The following LRRC20 variants were observed in gnomAD, a reference collection of about 807,000 sequenced individuals.
LRRC20 encodes leucine rich repeat containing 20, also known as leucine-rich repeat-containing protein 20.
Under a neutral mutation model 14.4 loss-of-function variants are expected in LRRC20, and 11 were observed. The observed-to-expected ratio is 0.77, with a 90% CI of 0.48 to 1.27. The LOEUF is 1.27. Among genes scored for constraint, LRRC20 ranks in the 50% most tolerant of loss-of-function variants. The probability of loss-of-function intolerance (pLI) is 0.00; values close to 1 mark genes in which losing one functional copy is unlikely to be tolerated. For synonymous variants in LRRC20, 121 were observed against 107.3 expected, an observed-to-expected ratio of 1.13 and a Z score of -0.79; for missense variants, 219 against 251.2, an observed-to-expected ratio of 0.87 and a Z score of 0.87.
intron 1 of LRRC20, among the ~76,000 whole-genome samples, chr10:70,378,125 C>T (rs1844575930): frequency 6.6e-6 from 1 of 152,194 alleles, no homozygotes; most frequent in Non-Finnish European, 1.5e-5. Context: ...GAGGATAAAG[C>T]AGTGCATATG....
chr10:70,378,895 G>A (rs1342465520), intron 1 of LRRC20, among the ~76,000 whole-genome samples: 7 of 152,022 alleles, frequency 4.6e-5, no homozygotes, highest in African/African-American at 1.2e-4. Flanking sequence ...GCAGTGAGCC[G>A]AGATCGTCCC....
chr10:70,344,855 C>T (rs1048709414), intron 2 of LRRC20, among the ~76,000 whole-genome samples: 5 of 152,150 alleles, frequency 3.3e-5, no homozygotes, highest in African/African-American at 1.2e-4. Context: ...TCACGAGCCA[C>T]GGCACCCGGC....
chr10:70,321,465 A>G (rs1456821490), intron 4 of LRRC20, among the ~76,000 whole-genome samples: 1 of 152,212 alleles, frequency 6.6e-6, no homozygotes, highest in African/African-American at 2.4e-5. Flanking sequence ...AGGGAGAGAT[A>G]GAAAATAGAA....
At position 70,301,104 on chromosome 10, in the gene LRRC20, C is replaced by G. The variant is rs1841161171; in HGVS notation, c.*250G>C. ...AGGCTCAGAGAGGGCAGGAGATCTG[C>G]CTGAGTTTGCACAGCAGCTGTGAGT... On this transcript the variant is annotated 3_prime_UTR_variant, in exon 5 of 5. Coordinates refer to ENST00000446961, the MANE Select transcript of LRRC20 (RefSeq NM_001278212.2). 7.6e-7 allele frequency: 1 copy of G among 1,314,312 alleles called. No homozygotes were observed. Among genetic ancestry groups the G allele is most frequent in the African/African-American group, 1.5e-5 (1 of 66,358 alleles). 81.4% of individuals were successfully genotyped at this position (1,314,312 alleles called of 1,614,324 possible).
chr10:70,355,377 A>T (rs751556237), intron 2 of LRRC20, among the ~76,000 whole-genome samples: 3 of 152,256 alleles, frequency 2.0e-5, no homozygotes, highest in Non-Finnish European at 4.4e-5. Flanking sequence ...TCTCTAGAGC[A>T]ATGTTTCTGA....
chr10:70,311,423 T>C (rs1841663888), intron 4 of LRRC20, among the ~76,000 whole-genome samples: 1 of 151,982 alleles, frequency 6.6e-6, no homozygotes, highest in Non-Finnish European at 1.5e-5. Flanking sequence ...GATTTCACCA[T>C]ATTGGCCAGG....
In LRRC20 at chr10:70,299,599, T is replaced by C. The variant is rs1017253560; in HGVS notation, c.*1755A>G. 2 of 152,266 alleles carry C rather than the reference T, an allele frequency of 1.3e-5. No individual in the cohort carries two copies. Among genetic ancestry groups the C allele is most frequent in the African/African-American group, 4.8e-5 (2 of 41,452 alleles). The allele number at this position is 152,266 out of a possible 1,614,324, so 9.4% of individuals were successfully genotyped here. A position where few individuals can be genotyped will look rare whatever the true frequency, so the allele number is the denominator to read the frequency against. On this transcript the variant is annotated 3_prime_UTR_variant, in exon 5 of 5. Transcript: ENST00000446961. Reference sequence around the variant, plus strand: ...TGAGTTGCAAGGCTCTGGTCATACATTGTGTTTGTGCACATCAGAGAAGGA... The same window carrying C: ...TGAGTTGCAAGGCTCTGGTCATACACTGTGTTTGTGCACATCAGAGAAGGA...
At chr10:70,340,513 G>A (rs2137018095) in intron 3 of LRRC20, 40 bp downstream of exon 3, 2 of 1,612,580 alleles carry the variant, frequency 1.2e-6, no homozygotes, top group East Asian at 2.2e-5. Context: ...AACGATGAGA[G>A]CTGGCCATGC....
intron 2 of LRRC20, among the ~76,000 whole-genome samples, chr10:70,367,961 T>TGTTATGTTA: frequency 1.5e-5 from 2 of 129,380 alleles, no homozygotes; most frequent in African/African-American, 5.9e-5. Context: ...AATCTGCCTA[T>TGTTATGTTA]GTTATGTTAT....
At chr10:70,367,606 T>A (rs1376056573) in intron 2 of LRRC20, among the ~76,000 whole-genome samples, 1 of 152,010 alleles carries the variant, frequency 6.6e-6, no homozygotes, top group Non-Finnish European at 1.5e-5. Flanking sequence ...CTCAAGAGCT[T>A]ATTTACTCTA....
chr10:70,334,528 C>T (rs1300816495), intron 3 of LRRC20, among the ~76,000 whole-genome samples: 2 of 152,132 alleles, frequency 1.3e-5, no homozygotes, highest in Non-Finnish European at 2.9e-5. Context: ...CACTGACATA[C>T]ACTGTTCACT....
intron 2 of LRRC20, among the ~76,000 whole-genome samples, chr10:70,364,849 C>T (rs934619477): frequency 3.3e-5 from 5 of 152,200 alleles, no homozygotes; most frequent in African/African-American, 1.2e-4. Flanking sequence ...CACATCACAT[C>T]CATGTCCGTA....
At chr10:70,342,107 T>C (rs1340881465) in intron 2 of LRRC20, among the ~76,000 whole-genome samples, 1 of 152,046 alleles carries the variant, frequency 6.6e-6, no homozygotes, top group Non-Finnish European at 1.5e-5. Flanking sequence ...GAGACCAGCC[T>C]GGCCAATATA....
intron 2 of LRRC20, among the ~76,000 whole-genome samples, chr10:70,366,960 A>G (rs1329505099): frequency 6.6e-6 from 1 of 152,112 alleles, no homozygotes; most frequent in Non-Finnish European, 1.5e-5. Context: ...CCCGGAACCA[A>G]TCCCCTCAGA....
In LRRC20 at chr10:70,347,547, G is replaced by A. The variant is rs140244565; in HGVS notation, c.83-6845C>T. 2.6e-3 allele frequency among the ~76,000 whole-genome samples: 403 copies of A among 152,184 alleles called. 1 individual carries two copies. Among genetic ancestry groups the A allele is most frequent in the African/African-American group, 3.2e-3 (131 of 41,528 alleles). On this transcript the variant is annotated intron_variant, in intron 2 of 4. Coordinates refer to ENST00000446961, the MANE Select transcript of LRRC20 (RefSeq NM_001278212.2). The stretch of plus-strand genomic sequence containing the variant: ...TAGGCAACATACAAGTGCCGGGCAC[G>A]GTGGCTCACGTGTGTAATTCCCAGC...
chr10:70,373,479 C>T (rs1256398127), intron 2 of LRRC20, among the ~76,000 whole-genome samples: 6 of 152,340 alleles, frequency 3.9e-5, no homozygotes, highest in Non-Finnish European at 7.3e-5. Flanking sequence ...TACATGCTAA[C>T]TGCTTAGACC....
chr10:70,302,449 G>C (rs948708867), intron 4 of LRRC20, among the ~76,000 whole-genome samples: 16 of 152,216 alleles, frequency 1.1e-4, no homozygotes, highest in Non-Finnish European at 2.4e-4. Context: ...GTTCCCAGGG[G>C]CTAGGAGAAG....
At chr10:70,376,110 A>G (rs1480531923) in intron 2 of LRRC20, among the ~76,000 whole-genome samples, 1 of 152,070 alleles carries the variant, frequency 6.6e-6, no homozygotes, top group East Asian at 1.9e-4. Flanking sequence ...ACAAGATAAC[A>G]TTCAGGAGGC....
Position 70,300,717 on chromosome 10 carries a change from C to G in LRRC20, c.*637G>C, listed in dbSNP as rs1841141249. 2 of 985,458 alleles carry G rather than the reference C, an allele frequency of 2.0e-6. No homozygotes were observed. The highest frequency in any genetic ancestry group is 9.4e-5 in the South Asian group (2 of 21,292). 61.0% of individuals were successfully genotyped at this position (985,458 alleles called of 1,614,324 possible). ...TTCCCAGCCTGCTGGTCCTCGGGCT[C>G]CTACATGAATGTTCTTGCCCTGCAG... On this transcript the variant is annotated 3_prime_UTR_variant, in exon 5 of 5. Coordinates refer to ENST00000446961, the MANE Select transcript of LRRC20 (RefSeq NM_001278212.2).
Sources: gnomAD v4.1 joint callset for allele counts (sites outside exome capture counted in the v4.1 genomes callset) on GRCh38, gnomAD v4.1.1 for gene constraint, MANE v1.5 for transcripts, NCBI Gene and HGNC (gene_info 2026-07-23, HGNC 2026-07-21) for gene names.